TRAPPC12: variants seen among roughly 807,000 people sequenced by gnomAD.
The protein encoded by TRAPPC12 is TPR repeat protein 15.
Under a neutral mutation model 69.2 loss-of-function variants are expected in TRAPPC12, and 61 were observed. The ratio of observed to expected loss-of-function variants is 0.88; its 90% CI spans 0.72 to 1.09. The LOEUF (loss-of-function observed/expected upper bound fraction) is 1.09. Among genes scored for constraint, TRAPPC12 ranks in the 50% least tolerant of loss-of-function variants. TRAPPC12 has a pLI of 0.00. For missense variants in TRAPPC12, 1,101 were observed against 1,016.4 expected, an observed-to-expected ratio of 1.08 and a Z score of -1.13; for synonymous variants, 469 against 438.9, an observed-to-expected ratio of 1.07 and a Z score of -0.86.
chr2:3,462,472 A>G (rs1382415025), intron 8 of TRAPPC12, among the ~76,000 whole-genome samples: 2 of 152,212 alleles, frequency 1.3e-5, no homozygotes, highest in African/African-American at 4.8e-5. Context: ...TGATCTTAAT[A>G]ATATGGGGTA....
chr2:3,390,443 G>A (rs1660761016), intron 2 of TRAPPC12, among the ~76,000 whole-genome samples: 1 of 152,192 alleles, frequency 6.6e-6, no homozygotes, highest in Non-Finnish European at 1.5e-5. Flanking sequence ...CTGTTGAGAT[G>A]TCTATCAGGG....
intron 8 of TRAPPC12, chr2:3,460,613 TC>T: frequency 2.5e-6 from 1 of 394,120 alleles, no homozygotes; most frequent in Non-Finnish European, 4.5e-6. Flanking sequence ...TTGTTCATTT[TC>T]CCCCATTTTT....
chr2:3,449,755 T>C (rs1664752544), intron 6 of TRAPPC12, among the ~76,000 whole-genome samples: 1 of 152,172 alleles, frequency 6.6e-6, no homozygotes, highest in Non-Finnish European at 1.5e-5. Context: ...ACACCGACAG[T>C]GGCCAGTTAT....
rs967749510 is a variant in TRAPPC12, at chr2:3,460,482, G to A, written c.1677+146G>A. 16 of 605,460 alleles carry A rather than the reference G, an allele frequency of 2.6e-5. No individual in the cohort carries two copies. The East Asian group carries it at 4.4e-4, about 17-fold the overall frequency. 37.5% of individuals were successfully genotyped at this position (605,460 alleles called of 1,614,324 possible). On this transcript the variant is annotated intron_variant, in intron 8 of 11. Transcript: ENST00000324266. ...AAGTACTGGCTTAACAGGGAGCCCA[G>A]TGACACATTATGGGGCTATATGTAC...
At chr2:3,476,465 G>A (rs1666294958) in intron 9 of TRAPPC12, among the ~76,000 whole-genome samples, 1 of 152,226 alleles carries the variant, frequency 6.6e-6, no homozygotes, top group South Asian at 2.1e-4. Flanking sequence ...GAGGAATCCT[G>A]AACTTAGAAC....
At chr2:3,382,722 T>A (rs1488715988) in intron 1 of TRAPPC12, among the ~76,000 whole-genome samples, 1 of 152,154 alleles carries the variant, frequency 6.6e-6, no homozygotes, top group Non-Finnish European at 1.5e-5. Flanking sequence ...CTCAGAAGTT[T>A]GAGACCAGCC....
chr2:3,457,176 A>G, intron 6 of TRAPPC12: 1 of 459,706 alleles, frequency 2.2e-6, no homozygotes, highest in South Asian at 1.6e-5. Context: ...GGAGGCCATT[A>G]TCCTAAGTGA....
intron 6 of TRAPPC12, among the ~76,000 whole-genome samples, chr2:3,450,091 A>G (rs374314125): frequency 6.6e-6 from 1 of 152,136 alleles, no homozygotes; most frequent in East Asian, 1.9e-4. Flanking sequence ...AGAAACCTCT[A>G]GAGTTCATCG....
intron 1 of TRAPPC12, among the ~76,000 whole-genome samples, chr2:3,382,602 A>ACTCCT (rs1424883942): frequency 1.3e-5 from 2 of 152,078 alleles, no homozygotes; most frequent in African/African-American, 4.8e-5. Flanking sequence ...CTCAACCAAG[A>ACTCCT]CTCCTTTAAG....
chr2:3,465,195 T>C (rs1386517147), intron 8 of TRAPPC12, among the ~76,000 whole-genome samples: 1 of 152,180 alleles, frequency 6.6e-6, no homozygotes, highest in Non-Finnish European at 1.5e-5. Flanking sequence ...ATTTGGCCTA[T>C]GTATTTGGAG....
chr2:3,386,456 G>C (rs1660497197), intron 1 of TRAPPC12, among the ~76,000 whole-genome samples: 1 of 152,146 alleles, frequency 6.6e-6, no homozygotes, highest in Non-Finnish European at 1.5e-5. Flanking sequence ...GCCTCCCAAG[G>C]CCTCAGTGTC....
intron 5 of TRAPPC12, among the ~76,000 whole-genome samples, chr2:3,440,620 A>G (rs1024497464): frequency 6.6e-6 from 1 of 152,136 alleles, no homozygotes; most frequent in African/African-American, 2.4e-5. Flanking sequence ...GCAAACAAGT[A>G]GTTTTATTTC....
At chr2:3,455,047 T>C (rs1294297395) in intron 6 of TRAPPC12, 2 of 151,952 alleles carry the variant, frequency 1.3e-5, no homozygotes, top group African/African-American at 4.8e-5. Context: ...AGCTCAGGAG[T>C]CTGCTGACCT....
intron 3 of TRAPPC12, among the ~76,000 whole-genome samples, chr2:3,412,193 G>A (rs1662101083): frequency 1.3e-5 from 2 of 152,168 alleles, no homozygotes; most frequent in Admixed American, 6.5e-5. Context: ...TGCGGCCACT[G>A]CCCCAAGGAG....
At chr2:3,478,707 C>T (rs1666407668) in intron 10 of TRAPPC12, 139 bp from the exon 11 acceptor site, 1 of 656,828 alleles carries the variant, frequency 1.5e-6, no homozygotes, top group Non-Finnish European at 2.7e-6. Context: ...CTCACCGCCT[C>T]TACCTGGAGA....
At chr2:3,388,805 G>A in intron 2 of TRAPPC12, 135 bp downstream of exon 2, 1 of 888,856 alleles carries the variant, frequency 1.1e-6, no homozygotes, top group East Asian at 2.8e-5. Context: ...GTGAGCGCCT[G>A]TGTTCCTCTG....
At chr2:3,470,152 A>G (rs1198261064) in intron 9 of TRAPPC12, among the ~76,000 whole-genome samples, 1 of 152,222 alleles carries the variant, frequency 6.6e-6, no homozygotes, top group Non-Finnish European at 1.5e-5. Context: ...AGAGGGACCC[A>G]CATAGCTGGG....
At chr2:3,474,990 G>A (rs993362637) in intron 9 of TRAPPC12, among the ~76,000 whole-genome samples, 4 of 152,304 alleles carry the variant, frequency 2.6e-5, no homozygotes, top group East Asian at 3.9e-4. Flanking sequence ...CAGAGTAAAA[G>A]ACAGTGCTCT....
chr2:3,421,802 C>T, intron 3 of TRAPPC12, 79 bp from the exon 4 acceptor site: 1 of 1,286,982 alleles, frequency 7.8e-7, no homozygotes, highest in Non-Finnish European at 1.1e-6. Context: ...CAGCTGTGGC[C>T]AGTGGCTATG....
Sources: gnomAD v4.1 joint callset for allele counts (sites outside exome capture counted in the v4.1 genomes callset) on GRCh38, gnomAD v4.1.1 for gene constraint, MANE v1.5 for transcripts, NCBI Gene and HGNC (gene_info 2026-07-23, HGNC 2026-07-21) for gene names.